The following ABCB5 variants were observed in gnomAD, a reference collection of about 807,000 sequenced individuals.
ABCB5 encodes ATP-binding cassette sub-family B member 5.
Under a neutral mutation model 144.2 loss-of-function variants are expected in ABCB5, and 155 were observed. The ratio of observed to expected loss-of-function variants is 1.08; its 90% CI spans 0.94 to 1.23. ABCB5 has a LOEUF of 1.23. ABCB5 is among the 50% of genes most tolerant of loss of function. The probability of loss-of-function intolerance (pLI) is 0.00; values close to 1 mark genes in which losing one functional copy is unlikely to be tolerated. For missense variants in ABCB5, 1,830 were observed against 1,520.8 expected, an observed-to-expected ratio of 1.20 and a Z score of -3.38; for synonymous variants, 610 against 528.6, an observed-to-expected ratio of 1.15 and a Z score of -2.11.
chr7:20,743,042 C>G lies in ABCB5; in HGVS notation c.3190C>G (p.Gln1064Glu), dbSNP rs780468047. ...CGKSTSVQLL[Q>E]RLYDPVQGQV... ...GAAAAGCACTTCTGTTCAACTTCTG[C>G]AGAGACTTTATGACCCCGTGCAAGG... is the stretch of plus-strand genomic sequence containing the variant. The change falls in exon 25 of 28, where the codon CAG (glutamine) becomes GAG (glutamate). Residue 1064 changes from glutamine (Q) to glutamate (E), a missense_variant. Coordinates refer to ENST00000404938, the MANE Select transcript of ABCB5 (RefSeq NM_001163941.2). 1.9e-6 allele frequency: 3 copies of G among 1,614,100 alleles called. No individual in the cohort carries two copies. The East Asian group carries it at 6.7e-5, about 36-fold the overall frequency.
chr7:20,649,134 C>A (rs568839001), intron 11 of ABCB5, among the ~76,000 whole-genome samples: 8 of 152,196 alleles, frequency 5.3e-5, no homozygotes, highest in Admixed American at 3.9e-4. Context: ...TAAATAAATT[C>A]TTTCAAGGAA....
intron 15 of ABCB5, among the ~76,000 whole-genome samples, chr7:20,683,792 A>T (rs1173581085): frequency 6.6e-6 from 1 of 152,134 alleles, no homozygotes; most frequent in Admixed American, 6.6e-5. Flanking sequence ...TTGAAATGTG[A>T]AGATCTGCAC....
At chr7:20,627,352 G>A (rs1350582639) in intron 3 of ABCB5, among the ~76,000 whole-genome samples, 1 of 152,186 alleles carries the variant, frequency 6.6e-6, no homozygotes, top group Non-Finnish European at 1.5e-5. Flanking sequence ...CCGTAATGCT[G>A]AATGCAATGC....
intron 20 of ABCB5, among the ~76,000 whole-genome samples, chr7:20,711,370 C>T (rs1030462280): frequency 6.7e-6 from 1 of 149,130 alleles, no homozygotes; most frequent in Non-Finnish European, 1.5e-5. Context: ...GTTTTTTATG[C>T]CTGAAAAGTC....
intron 16 of ABCB5, among the ~76,000 whole-genome samples, chr7:20,689,417 T>A (rs946614125): frequency 7.9e-5 from 12 of 152,008 alleles, no homozygotes; most frequent in African/African-American, 2.9e-4. Context: ...ACCTGTCAGG[T>A]GCTGGGGAAA....
chr7:20,700,072 C>T lies in ABCB5; in HGVS notation c.2274C>T (p.Gly758=). The T allele has an allele frequency of 1.2e-6, 2 of 1,613,710 alleles. No individual in the cohort carries two copies. Among genetic ancestry groups the T allele is most frequent in the South Asian group, 2.2e-5 (2 of 91,036 alleles). The change falls in exon 19 of 28, where the codon GGC becomes GGT. Residue 758 remains glycine, a synonymous_variant. Transcript: ENST00000404938. ...TTGCTTTTCAGGGATTATTTTACGGCAGAGCAGGGGAAATTTTAACGATGA... is the reference window on the plus strand; with the variant it reads ...TTGCTTTTCAGGGATTATTTTACGGTAGAGCAGGGGAAATTTTAACGATGA... The part of the protein sequence containing the change: ...VSYFMQGLFY[G]RAGEILTMRL...
intron 24 of ABCB5, 139 bp downstream of exon 24, chr7:20,739,278 G>C: frequency 1.3e-6 from 1 of 772,488 alleles, no homozygotes; most frequent in Non-Finnish European, 1.8e-6. Context: ...TGTGTGACAA[G>C]ATCATTCATA....
At chr7:20,668,593 G>GA (rs1361060332) in intron 14 of ABCB5, among the ~76,000 whole-genome samples, 10 of 143,210 alleles carry the variant, frequency 7.0e-5, no homozygotes, top group South Asian at 2.3e-4. Flanking sequence ...AGGGAGGTGG[G>GA]GGGGGGGGTC....
chr7:20,721,632 G>C (rs564104526), intron 20 of ABCB5, among the ~76,000 whole-genome samples: 1 of 152,274 alleles, frequency 6.6e-6, no homozygotes, highest in South Asian at 2.1e-4. Context: ...AAAAAGCACT[G>C]AGTCAGACAG....
At chr7:20,622,244 G>T (rs1436913617) in intron 1 of ABCB5, among the ~76,000 whole-genome samples, 1 of 152,074 alleles carries the variant, frequency 6.6e-6, no homozygotes, top group Non-Finnish European at 1.5e-5. Context: ...TCTATAAAAT[G>T]CAAATGTTTG....
Position 20,698,525 on chromosome 7 carries a change from C to A in ABCB5, c.2129C>A (p.Ser710Tyr). 1 of 1,591,960 alleles carries A rather than the reference C, an allele frequency of 6.3e-7. No individual in the cohort carries two copies. Among genetic ancestry groups the A allele is most frequent in the Non-Finnish European group, 8.5e-7 (1 of 1,173,712 alleles). Residue 710 changes from serine to tyrosine, a missense_variant, in exon 17 of 28, where the codon TCC becomes TAC. Coordinates refer to ENST00000404938, the MANE Select transcript of ABCB5 (RefSeq NM_001163941.2). ...VLNGTVHPVF[S>Y]IIFAKIITMF... ...AATGGAACTGTTCATCCAGTATTTT[C>A]CATCATCTTTGCAAAAATTATAACC...
intron 20 of ABCB5, among the ~76,000 whole-genome samples, chr7:20,707,855 A>G (rs571888472): frequency 3.3e-4 from 43 of 130,688 alleles, no homozygotes; most frequent in South Asian, 9.7e-4. Flanking sequence ...CCAGGCTGGA[A>G]TGCAGTGGCG....
At chr7:20,647,839 A>C in intron 10 of ABCB5, 129 bp from the exon 11 acceptor site, 1 of 1,094,484 alleles carries the variant, frequency 9.1e-7, no homozygotes, top group Non-Finnish European at 1.3e-6. Flanking sequence ...CTTCATGTCT[A>C]ACTCAATGCA....
intron 16 of ABCB5, among the ~76,000 whole-genome samples, chr7:20,691,594 A>T (rs1398406828): frequency 1.3e-5 from 2 of 150,534 alleles, no homozygotes; most frequent in African/African-American, 4.9e-5. Flanking sequence ...TTATTTATTT[A>T]TTTATTTATT....
intron 26 of ABCB5, among the ~76,000 whole-genome samples, chr7:20,751,264 CAAAT>C (rs1743455396): frequency 6.7e-6 from 1 of 148,746 alleles, no homozygotes; most frequent in Non-Finnish European, 1.5e-5. Flanking sequence ...TGTTAAAAAA[CAAAT>C]AAAACCATCC....
intron 24 of ABCB5, among the ~76,000 whole-genome samples, chr7:20,739,708 G>T (rs1782500902): frequency 6.6e-6 from 1 of 151,776 alleles, no homozygotes; most frequent in South Asian, 2.1e-4. Flanking sequence ...TTCGTATTAA[G>T]GTTTATTTGT....
chr7:20,633,929 C>T (rs1227099210), intron 5 of ABCB5, among the ~76,000 whole-genome samples: 1 of 151,956 alleles, frequency 6.6e-6, no homozygotes, highest in Non-Finnish European at 1.5e-5. Flanking sequence ...GGATATATTG[C>T]ATAGTGGTGA....
At chr7:20,680,563 C>A (rs901314411) in intron 14 of ABCB5, among the ~76,000 whole-genome samples, 1 of 145,516 alleles carries the variant, frequency 6.9e-6, no homozygotes, top group Non-Finnish European at 1.5e-5. Context: ...GAGCCAGACT[C>A]CGTCTCAAAA....
intron 5 of ABCB5, among the ~76,000 whole-genome samples, chr7:20,640,148 G>A (rs1784262567): frequency 6.6e-6 from 1 of 152,034 alleles, no homozygotes; most frequent in Non-Finnish European, 1.5e-5. Context: ...AGCCTGTAGT[G>A]TTCCATCCTA....
Sources: gnomAD v4.1 joint callset for allele counts (sites outside exome capture counted in the v4.1 genomes callset) on GRCh38, gnomAD v4.1.1 for gene constraint, MANE v1.5 for transcripts, NCBI Gene and HGNC (gene_info 2026-07-23, HGNC 2026-07-21) for gene names.